The following TAFA2 variants were observed in gnomAD, a reference collection of about 807,000 sequenced individuals.
TAFA2 encodes chemokine-like protein TAFA-2.
Under a neutral mutation model 18.8 loss-of-function variants are expected in TAFA2, and 7 were observed. The ratio of observed to expected loss-of-function variants is 0.37; its 90% CI spans 0.21 to 0.70. The LOEUF is 0.70. Among genes scored for constraint, TAFA2 ranks in the 30% least tolerant of loss-of-function variants. The pLI is 0.53. For synonymous variants in TAFA2, 60 were observed against 54.2 expected, an observed-to-expected ratio of 1.11 and a Z score of -0.47; for missense variants, 122 against 158.1, an observed-to-expected ratio of 0.77 and a Z score of 1.23.
At chr12:62,091,691 C>A (rs1146079) in intron 1 of TAFA2, among the ~76,000 whole-genome samples, 1 of 151,742 alleles carries the variant, frequency 6.6e-6, no homozygotes, top group African/African-American at 2.4e-5. Flanking sequence ...TCTGAAGGTC[C>A]TAATTAACCG....
At chr12:61,853,370 G>A (rs1873756368) in intron 2 of TAFA2, among the ~76,000 whole-genome samples, 1 of 152,028 alleles carries the variant, frequency 6.6e-6, no homozygotes, top group Admixed American at 6.6e-5. Context: ...GTGGAAATAA[G>A]ACAGAGAGTG....
intron 1 of TAFA2, among the ~76,000 whole-genome samples, chr12:61,876,040 T>C (rs1279720487): frequency 6.6e-6 from 1 of 152,192 alleles, no homozygotes; most frequent in Non-Finnish European, 1.5e-5. Context: ...AAAAGAGAGA[T>C]AGCTCTGCAC....
At position 62,057,674 on chromosome 12, in the gene TAFA2, G is replaced by C. The variant is rs190056444; in HGVS notation, c.-2+133585C>G. Among the ~76,000 whole-genome samples, 37 of 152,222 alleles carry C rather than the reference G, an allele frequency of 2.4e-4. No homozygotes were observed. In the East Asian group the frequency reaches 6.4e-3, roughly 26 times the overall value. ...AATTTTACTATGCATACTTAAGAAG[G>C]TAAAGTCTAAAATTAATCAGTATCA... On this transcript the variant is annotated intron_variant, in intron 1 of 4. Coordinates refer to ENST00000416284, the MANE Select transcript of TAFA2 (RefSeq NM_178539.5).
At chr12:61,724,626 A>T (rs1870054318) in intron 4 of TAFA2, among the ~76,000 whole-genome samples, 1 of 152,046 alleles carries the variant, frequency 6.6e-6, no homozygotes, top group Non-Finnish European at 1.5e-5. Flanking sequence ...TATAAGTGAG[A>T]ACATACAATG....
intron 1 of TAFA2, among the ~76,000 whole-genome samples, chr12:62,010,921 G>C (rs1267058411): frequency 1.1e-5 from 1 of 87,822 alleles, no homozygotes; most frequent in Non-Finnish European, 2.2e-5. Flanking sequence ...GCCGCCCTTC[G>C]TCTGGGAGGT....
At chr12:61,786,546 T>C (rs1870746905) in intron 2 of TAFA2, among the ~76,000 whole-genome samples, 1 of 151,522 alleles carries the variant, frequency 6.6e-6, no homozygotes, top group African/African-American at 2.4e-5. Context: ...ACAAAGACAT[T>C]AAATCAGTTA....
At chr12:61,963,177 A>G (rs1194667260) in intron 1 of TAFA2, among the ~76,000 whole-genome samples, 1 of 152,026 alleles carries the variant, frequency 6.6e-6, no homozygotes, top group Non-Finnish European at 1.5e-5. Flanking sequence ...ACAGTGCTGC[A>G]ATAAACATAC....
At chr12:62,072,512 G>A (rs1429237612) in intron 1 of TAFA2, among the ~76,000 whole-genome samples, 2 of 152,044 alleles carry the variant, frequency 1.3e-5, no homozygotes, top group South Asian at 4.2e-4. Context: ...CGGGCATGAT[G>A]TCTCATGCCT....
At chr12:62,135,642 A>T (rs797012045) in intron 1 of TAFA2, among the ~76,000 whole-genome samples, 11 of 152,252 alleles carry the variant, frequency 7.2e-5, no homozygotes, top group African/African-American at 2.6e-4. Context: ...TAAACAAGGA[A>T]ATAGGCTTTC....
At chr12:61,787,887 T>C (rs12318562) in intron 2 of TAFA2, among the ~76,000 whole-genome samples, 1 of 151,544 alleles carries the variant, frequency 6.6e-6, no homozygotes, top group Non-Finnish European at 1.5e-5. Context: ...AGTTAAATTA[T>C]CCAGTTAAAA....
At position 61,839,555 on chromosome 12, in the gene TAFA2, G is replaced by A. The variant is rs1873084590; in HGVS notation, c.106+27765C>T. On this transcript the variant is annotated intron_variant, in intron 2 of 4. Coordinates refer to ENST00000416284, the MANE Select transcript of TAFA2 (RefSeq NM_178539.5). ...GAAAATGTGGTACATACACACGATG[G>A]AATACTAGGCAGCCTGAAAATATGA... is the stretch of plus-strand genomic sequence containing the variant. 2.0e-5 allele frequency among the ~76,000 whole-genome samples: 3 copies of A among 152,048 alleles called. No homozygotes were observed. In the South Asian group the frequency reaches 6.2e-4, roughly 31 times the overall value.
intron 1 of TAFA2, among the ~76,000 whole-genome samples, chr12:62,145,116 T>A (rs2062271176): frequency 6.6e-6 from 1 of 152,248 alleles, no homozygotes; most frequent in African/African-American, 2.4e-5. Flanking sequence ...TCCAATCTAA[T>A]GTTCCAGTCG....
At chr12:62,150,638 C>T (rs2062321596) in intron 1 of TAFA2, among the ~76,000 whole-genome samples, 1 of 152,118 alleles carries the variant, frequency 6.6e-6, no homozygotes, top group South Asian at 2.1e-4. Context: ...CATGGTGGCT[C>T]ACACCTGTAA....
At chr12:61,724,416 G>T (rs1469363972) in intron 4 of TAFA2, among the ~76,000 whole-genome samples, 1 of 149,978 alleles carries the variant, frequency 6.7e-6, no homozygotes, top group African/African-American at 2.5e-5. Flanking sequence ...ACTTTTGGGG[G>T]AACAGGTGGT....
At chr12:62,217,232 C>T in intron 1 of TAFA2, among the ~76,000 whole-genome samples, 1 of 148,848 alleles carries the variant, frequency 6.7e-6, no homozygotes, top group East Asian at 1.9e-4. Context: ...AGTACTTGGG[C>T]CATATGATCC....
chr12:62,162,654 G>A (rs1474825859), intron 1 of TAFA2, among the ~76,000 whole-genome samples: 1 of 152,098 alleles, frequency 6.6e-6, no homozygotes, highest in Non-Finnish European at 1.5e-5. Context: ...GAAATGTCTG[G>A]TCCACTGCAG....
At chr12:62,047,858 A>G (rs534536026) in intron 1 of TAFA2, among the ~76,000 whole-genome samples, 1 of 152,338 alleles carries the variant, frequency 6.6e-6, no homozygotes, top group South Asian at 2.1e-4. Flanking sequence ...GAGAATATGC[A>G]TGCTGAAAGT....
In TAFA2 at chr12:61,867,440, A is replaced by G. The variant is rs1874406222; in HGVS notation, c.-1-14T>C. The G allele has an allele frequency of 2.1e-6, 3 of 1,441,338 alleles. No homozygotes were observed. In the Admixed American group the frequency reaches 5.3e-5, roughly 26 times the overall value. 89.3% of individuals were successfully genotyped at this position (1,441,338 alleles called of 1,614,324 possible). A position where few individuals can be genotyped will look rare whatever the true frequency, so the allele number is the denominator to read the frequency against. On this transcript the variant is annotated splice_polypyrimidine_tract_variant and intron_variant, in intron 1 of 4. Coordinates refer to ENST00000416284, the MANE Select transcript of TAFA2 (RefSeq NM_178539.5). ...CTCTTACTCATCCTGCAAATAAAAA[A>G]ATAATAAAAATCATAAGTATGCAAA...
intron 1 of TAFA2, among the ~76,000 whole-genome samples, chr12:61,938,991 A>G (rs915768772): frequency 6.6e-6 from 1 of 152,068 alleles, no homozygotes; most frequent in Non-Finnish European, 1.5e-5. Context: ...CGGGTGCACC[A>G]AAATCTTAGA....
Sources: allele counts gnomAD v4.1 joint callset (sites outside exome capture counted in the v4.1 genomes callset), GRCh38; gene constraint gnomAD v4.1.1; transcripts MANE v1.5; gene names NCBI Gene and HGNC (gene_info 2026-07-23, HGNC 2026-07-21).